CDC23: variants seen among roughly 807,000 people sequenced by gnomAD.
The protein encoded by CDC23 is cell division cycle protein 23 homolog.
In CDC23, 26 loss-of-function variants were observed where a neutral mutation model predicts 81.7. The observed-to-expected ratio is 0.32, with a 90% CI of 0.23 to 0.44. CDC23 has a LOEUF of 0.44. Ranked by LOEUF, CDC23 falls within the 20% of genes least tolerant of loss-of-function variation. CDC23 has a pLI of 1.00. For synonymous variants in CDC23, 267 were observed against 270.8 expected (o/e 0.99, Z 0.14); for missense variants, 519 against 728.0 (o/e 0.71, Z 3.30).
At chr5:138,206,971 C>A (rs1289663007) in intron 2 of CDC23, among the ~76,000 whole-genome samples, 1 of 151,036 alleles carries the variant, frequency 6.6e-6, no homozygotes, top group East Asian at 1.9e-4. Context: ...CCTCTGCCTC[C>A]CAGGTTCAAG....
intron 2 of CDC23, among the ~76,000 whole-genome samples, chr5:138,207,435 C>T (rs1581490467): frequency 1.3e-5 from 2 of 152,116 alleles, no homozygotes; most frequent in African/African-American, 4.8e-5. Context: ...ACTGACCTTA[C>T]AGATTTGACT....
rs769151792 is a variant in CDC23, at chr5:138,201,087, C to G, written c.654+20G>C. On this transcript the variant is annotated intron_variant, in intron 6 of 15. Coordinates refer to ENST00000394886, the MANE Select transcript of CDC23 (RefSeq NM_004661.4). Reference sequence around the variant, plus strand: ...AAGGCTTGAAGCAGAGGGTTTTTCACATAGCTCATCACAATTTACCATCTC... The same window carrying G: ...AAGGCTTGAAGCAGAGGGTTTTTCAGATAGCTCATCACAATTTACCATCTC... 6.2e-7 allele frequency: 1 copy of G among 1,610,762 alleles called. No individual in the cohort carries two copies. Among genetic ancestry groups the G allele is most frequent in the Non-Finnish European group, 8.5e-7 (1 of 1,179,184 alleles).
At chr5:138,196,890 CTTTTTTTTT>C (rs34002952) in intron 9 of CDC23, among the ~76,000 whole-genome samples, 4 of 113,422 alleles carry the variant, frequency 3.5e-5, no homozygotes, top group Admixed American at 9.3e-5. Context: ...TTTTTTTTTC[CTTTTTTTTT>C]TTTTTTTTTT....
At chr5:138,213,098 A>T (rs768087140) in intron 1 of CDC23, 35 bp from the exon 2 acceptor site, 1 of 1,614,032 alleles carries the variant, frequency 6.2e-7, no homozygotes, top group Non-Finnish European at 8.5e-7. Flanking sequence ...CAGCTCGACA[A>T]GCCCCCCAAG....
rs543833153 is a variant in CDC23, at chr5:138,191,763, C to A, written c.1362+99G>T. 3.3e-5 allele frequency: 35 copies of A among 1,052,456 alleles called. 1 individual carries two copies. In the South Asian group the frequency reaches 4.4e-4, roughly 13 times the overall value. 65.2% of individuals were successfully genotyped at this position (1,052,456 alleles called of 1,614,324 possible). On this transcript the variant is annotated intron_variant, in intron 12 of 15. Transcript: ENST00000394886. ...ATAAATATTCAGACTTTCCTATGCA[C>A]CTAGATCAGAATAAGGGAAAAATTA...
At chr5:138,203,829 C>T (rs1730046561) in intron 3 of CDC23, among the ~76,000 whole-genome samples, 1 of 152,114 alleles carries the variant, frequency 6.6e-6, no homozygotes, top group African/African-American at 2.4e-5. Context: ...TAGAGAATCG[C>T]TTGAACCTGG....
Position 138,209,210 on chromosome 5 carries a change from T to G in CDC23, c.235-2526A>C, listed in dbSNP as rs370030903. 2.0e-5 allele frequency among the ~76,000 whole-genome samples: 3 copies of G among 152,006 alleles called. No individual in the cohort carries two copies. The East Asian group carries it at 5.9e-4, about 30-fold the overall frequency. On this transcript the variant is annotated intron_variant, in intron 2 of 15. Transcript: ENST00000394886. ...GGGAGGCTAAGACAGGTGGATCACC[T>G]GAGGTCAAGAGTTCAAGACCAGCCT...
Position 138,189,050 on chromosome 5 carries a change from AG to A in CDC23, c.1721del (p.Pro574LeufsTer126). 6.2e-7 allele frequency: 1 copy of A among 1,614,140 alleles called. No homozygotes were observed. Among genetic ancestry groups the A allele is most frequent in the Non-Finnish European group, 8.5e-7 (1 of 1,180,004 alleles). On this transcript the variant is annotated frameshift_variant, in exon 16 of 16. Coordinates refer to ENST00000394886, the MANE Select transcript of CDC23 (RefSeq NM_004661.4). LOFTEE classifies it high-confidence loss of function. ...TTEVPAPFFL[P>X]ASLSANNTPT... The stretch of plus-strand genomic sequence containing the variant: ...GGGTATTGTTAGCAGAGAGTGAAGC[AG>A]GTAGGAAAAAGGGAGCAGGCACCTC...
At chr5:138,208,247 C>T (rs888199458) in intron 2 of CDC23, among the ~76,000 whole-genome samples, 1 of 152,078 alleles carries the variant, frequency 6.6e-6, no homozygotes, top group Non-Finnish European at 1.5e-5. Flanking sequence ...GAGCCACCAC[C>T]GGCCCAATCC....
intron 2 of CDC23, among the ~76,000 whole-genome samples, chr5:138,210,830 T>C (rs1755104739): frequency 2.6e-5 from 4 of 152,364 alleles, no homozygotes; most frequent in Admixed American, 2.6e-4. Context: ...TGATATTTAC[T>C]GAGGCTCTAC....
chr5:138,192,681 A>G (rs748283136), intron 9 of CDC23, 24 bp from the exon 10 acceptor site: 2 of 1,593,588 alleles, frequency 1.3e-6, no homozygotes, highest in South Asian at 2.3e-5. Flanking sequence ...AAACAAAAAA[A>G]TGAATAATCA....
At chr5:138,197,080 G>C (rs909921576) in intron 9 of CDC23, among the ~76,000 whole-genome samples, 7 of 149,444 alleles carry the variant, frequency 4.7e-5, no homozygotes, top group Non-Finnish European at 7.4e-5. Flanking sequence ...GTTTTAAAAA[G>C]AACTGTTAAA....
chr5:138,202,469 C>T (rs768070492), intron 3 of CDC23, among the ~76,000 whole-genome samples: 2 of 152,042 alleles, frequency 1.3e-5, no homozygotes, highest in East Asian at 1.9e-4. Flanking sequence ...TTTTTAGTTG[C>T]GACGAGGTTT....
At chr5:138,200,793 C>G (rs1338315445) in intron 6 of CDC23, 1 of 244,796 alleles carries the variant, frequency 4.1e-6, no homozygotes, top group African/African-American at 2.3e-5. Context: ...GCACTCCAGC[C>G]TAGATGAAAG....
intron 3 of CDC23, among the ~76,000 whole-genome samples, chr5:138,203,695 T>C (rs1755015687): frequency 6.6e-6 from 1 of 152,058 alleles, no homozygotes; most frequent in Non-Finnish European, 1.5e-5. Flanking sequence ...GCCAATCACC[T>C]GAGGTCAGGA....
At chr5:138,201,685 A>G (rs1008737646) in intron 4 of CDC23, among the ~76,000 whole-genome samples, 2 of 152,092 alleles carry the variant, frequency 1.3e-5, no homozygotes, top group Admixed American at 6.6e-5. Context: ...AGCATCAACG[A>G]AAGTTACACC....
chr5:138,204,661 C>G (rs1755027555), intron 3 of CDC23, among the ~76,000 whole-genome samples: 1 of 151,196 alleles, frequency 6.6e-6, no homozygotes, highest in Non-Finnish European at 1.5e-5. Flanking sequence ...ACTCTGCCGC[C>G]CAGGCTGGAG....
chr5:138,189,594 C>A, intron 15 of CDC23, 39 bp downstream of exon 15: 1 of 1,591,818 alleles, frequency 6.3e-7, no homozygotes, highest in South Asian at 1.1e-5. Context: ...TATGTTCTAG[C>A]CTAAAATTCA....
chr5:138,189,855 T>C lies in CDC23; in HGVS notation c.1476A>G (p.Lys492=). The C allele has an allele frequency of 6.2e-7, 1 of 1,614,156 alleles. No homozygotes were observed. The highest frequency in any genetic ancestry group is 1.1e-5 in the South Asian group (1 of 91,082). ...CACAGGAATAGATATCTTGGATATA[T>C]TTGATGTAACACTGGGCAGCCTGTT... is the stretch of plus-strand genomic sequence containing the variant. ...ESEQAAQCYI[K]YIQDIYSCGE... is the part of the protein sequence containing the mutation. Residue 492 remains lysine (K), a synonymous_variant, in exon 14 of 16, where the codon AAA becomes AAG. Coordinates refer to ENST00000394886, the MANE Select transcript of CDC23 (RefSeq NM_004661.4).
Sources: gnomAD v4.1 joint callset for allele counts (sites outside exome capture counted in the v4.1 genomes callset) on GRCh38, gnomAD v4.1.1 for gene constraint, MANE v1.5 for transcripts, NCBI Gene and HGNC (gene_info 2026-07-23, HGNC 2026-07-21) for gene names.